Variants in PRKCA observed in about 807,000 individuals in gnomAD.
PRKCA encodes protein kinase C alpha type.
PRKCA carries 27 observed loss-of-function variants against 87.0 expected under a neutral mutation model. That is an observed-to-expected ratio of 0.31 (90% CI 0.23 to 0.43). The LOEUF (loss-of-function observed/expected upper bound fraction) is 0.43, where lower values mean the gene tolerates loss of function less well. Among genes scored for constraint, PRKCA ranks in the 20% least tolerant of loss-of-function variants. PRKCA has a pLI of 1.00. For missense variants in PRKCA, 518 were observed against 852.3 expected (o/e 0.61, Z 4.88); for synonymous variants, 329 against 311.1 (o/e 1.06, Z -0.61).
chr17:66,458,006 C>T (rs796575804), intron 2 of PRKCA, among the ~76,000 whole-genome samples: 6 of 152,162 alleles, frequency 3.9e-5, no homozygotes, highest in East Asian at 3.9e-4. Flanking sequence ...TCAGAATCTC[C>T]GTCATCTCCC....
intron 13 of PRKCA, among the ~76,000 whole-genome samples, chr17:66,773,623 G>T (rs1264410472): frequency 6.6e-6 from 1 of 151,722 alleles, no homozygotes; most frequent in Non-Finnish European, 1.5e-5. Context: ...CAAAGTGCTG[G>T]GATTAGAGGT....
intron 8 of PRKCA, among the ~76,000 whole-genome samples, chr17:66,691,022 C>G (rs1972770436): frequency 6.6e-6 from 1 of 151,198 alleles, no homozygotes; most frequent in African/African-American, 2.4e-5. Flanking sequence ...ATAATCCTAG[C>G]TACGAGAATC....
At chr17:66,774,227 T>C (rs775371569) in intron 14 of PRKCA, 160 bp downstream of exon 14, 4 of 1,491,938 alleles carry the variant, frequency 2.7e-6, no homozygotes, top group Non-Finnish European at 3.6e-6. Context: ...CCCTTCAAAG[T>C]GGATCACGTT....
At chr17:66,739,134 G>T (rs61761464) in intron 11 of PRKCA, among the ~76,000 whole-genome samples, 1 of 152,068 alleles carries the variant, frequency 6.6e-6, no homozygotes, top group Admixed American at 6.6e-5. Flanking sequence ...TGCCCACCTC[G>T]GCCTCCCAAA....
chr17:66,397,184 C>T (rs1363754557), intron 2 of PRKCA, among the ~76,000 whole-genome samples: 3 of 150,408 alleles, frequency 2.0e-5, no homozygotes, highest in Admixed American at 6.6e-5. Context: ...AGGCTGGTCT[C>T]GAACTCCTGA....
intron 3 of PRKCA, among the ~76,000 whole-genome samples, chr17:66,560,638 G>A (rs187755184): frequency 3.3e-5 from 5 of 152,302 alleles, no homozygotes; most frequent in Admixed American, 2.6e-4. Flanking sequence ...TGACTCAAAG[G>A]AGATAATGTA....
chr17:66,384,935 T>C (rs1472627508), intron 2 of PRKCA, among the ~76,000 whole-genome samples: 1 of 152,186 alleles, frequency 6.6e-6, no homozygotes, highest in Admixed American at 6.5e-5. Flanking sequence ...TGGCTGACTG[T>C]TTTAATTACT....
At chr17:66,489,372 T>TATAC (rs1916125700) in intron 2 of PRKCA, among the ~76,000 whole-genome samples, 1 of 101,896 alleles carries the variant, frequency 9.8e-6, no homozygotes, top group African/African-American at 3.1e-5. Context: ...TATATATATA[T>TATAC]ATATATATAT....
chr17:66,423,761 A>G (rs1400726942), intron 2 of PRKCA, among the ~76,000 whole-genome samples: 3 of 152,088 alleles, frequency 2.0e-5, no homozygotes, highest in Admixed American at 2.0e-4. Context: ...ATAGTTCTAG[A>G]ACTTTGCATG....
At chr17:66,581,238 G>C (rs1481004051) in intron 3 of PRKCA, among the ~76,000 whole-genome samples, 1 of 152,124 alleles carries the variant, frequency 6.6e-6, no homozygotes, top group Admixed American at 6.5e-5. Flanking sequence ...AATATTTTTG[G>C]CTTTGCAGGC....
At chr17:66,789,448 G>A (rs185061436) in intron 16 of PRKCA, among the ~76,000 whole-genome samples, 127 of 152,320 alleles carry the variant, frequency 8.3e-4, no homozygotes, top group African/African-American at 2.9e-3. Context: ...CCTGGGCCCC[G>A]CCCCCTCTTC....
At chr17:66,350,167 CT>C (rs1390912442) in intron 2 of PRKCA, among the ~76,000 whole-genome samples, 1 of 152,160 alleles carries the variant, frequency 6.6e-6, no homozygotes, top group Non-Finnish European at 1.5e-5. Flanking sequence ...GTAACAGTGC[CT>C]TTTTATTTTT....
Position 66,362,024 on chromosome 17 carries a change from C to CTCTT in PRKCA, c.205+55919_205+55922dup, listed in dbSNP as rs149315256. 7.8e-3 allele frequency among the ~76,000 whole-genome samples: 1,191 copies of CTCTT among 151,878 alleles called. 20 individuals carry two copies. Among genetic ancestry groups the CTCTT allele is most frequent in the African/African-American group, 0.024 (995 of 41,442 alleles). On this transcript the variant is annotated intron_variant, in intron 2 of 16. Coordinates refer to ENST00000413366, the MANE Select transcript of PRKCA (RefSeq NM_002737.3). The stretch of plus-strand genomic sequence containing the variant: ...CTTGCGTGTTCTAGAAGGGGTTGAG[C>CTCTT]TCTTTCTTTCTTTCTTTCTTTCTTT...
intron 13 of PRKCA, among the ~76,000 whole-genome samples, chr17:66,763,127 C>A (rs1460315875): frequency 6.6e-6 from 1 of 152,234 alleles, no homozygotes; most frequent in Admixed American, 6.5e-5. Flanking sequence ...CCAGACTTAG[C>A]AATCCAGCAA....
chr17:66,470,997 ACT>A (rs932245984), intron 2 of PRKCA, among the ~76,000 whole-genome samples: 2 of 149,434 alleles, frequency 1.3e-5, no homozygotes. Context: ...GTATTTGGGA[ACT>A]TTTTTTTTTT....
At chr17:66,672,635 A>G (rs1416577428) in intron 5 of PRKCA, among the ~76,000 whole-genome samples, 3 of 152,240 alleles carry the variant, frequency 2.0e-5, no homozygotes, top group Non-Finnish European at 2.9e-5. Flanking sequence ...AGAAATTTCA[A>G]TGAATATTTA....
At position 66,724,580 on chromosome 17, in the gene PRKCA, T is replaced by C. The variant is rs79072091; in HGVS notation, c.919-8108T>C. On this transcript the variant is annotated intron_variant, in intron 8 of 16. Transcript: ENST00000413366. The stretch of plus-strand genomic sequence containing the variant: ...GTGCATGCTCTGCTCTGAGCATTCA[T>C]TCATCTTCAGGGGACATTCTGTGTT... Among the ~76,000 whole-genome samples, 804 of 152,342 alleles carry C rather than the reference T, an allele frequency of 5.3e-3. 9 individuals carry two copies. The highest frequency in any genetic ancestry group is 0.019 in the African/African-American group (770 of 41,580).
chr17:66,709,608 CT>C (rs1490592409), intron 8 of PRKCA, among the ~76,000 whole-genome samples: 1 of 151,932 alleles, frequency 6.6e-6, no homozygotes, highest in African/African-American at 2.4e-5. Flanking sequence ...CATGCCCGGC[CT>C]CTTCTGAGAT....
At chr17:66,659,217 C>G (rs1376934338) in intron 5 of PRKCA, among the ~76,000 whole-genome samples, 2 of 152,116 alleles carry the variant, frequency 1.3e-5, no homozygotes, top group African/African-American at 2.4e-5. Context: ...AGATTGGAGA[C>G]TCTAGGGACT....
Sources: allele counts gnomAD v4.1 joint callset (sites outside exome capture counted in the v4.1 genomes callset), GRCh38; gene constraint gnomAD v4.1.1; transcripts MANE v1.5; gene names NCBI Gene and HGNC (gene_info 2026-07-23, HGNC 2026-07-21).